The following QTMAN variants were observed in gnomAD, a reference collection of about 807,000 sequenced individuals.
QTMAN encodes queuosine-tRNA mannosyltransferase.
the QTMAN span, among the ~76,000 whole-genome samples, chr2:144,220,252 T>C: frequency 1.2e-3 from 187 of 152,346 alleles, 1 homozygote; most frequent in African/African-American, 4.4e-3. Flanking sequence ...AGTCTGTTAA[T>C]AATAGATTGG....
the QTMAN span, chr2:144,294,642 T>C: frequency 6.6e-6 from 1 of 152,118 alleles, no homozygotes; most frequent in Non-Finnish European, 1.5e-5. Flanking sequence ...TTGAAATTTG[T>C]TTAACATTGG....
chr2:144,039,924 T>C, the QTMAN span, among the ~76,000 whole-genome samples: 1 of 152,240 alleles, frequency 6.6e-6, no homozygotes, highest in Non-Finnish European at 1.5e-5. Flanking sequence ...TCATTGAAGC[T>C]ATTTGTATAC....
chr2:143,990,074 T>C, the QTMAN span, among the ~76,000 whole-genome samples: 1 of 152,098 alleles, frequency 6.6e-6, no homozygotes, highest in African/African-American at 2.4e-5. Context: ...GTATTTACTA[T>C]GTGCAGCCAG....
At chr2:144,157,719 A>G in the QTMAN span, among the ~76,000 whole-genome samples, 3 of 151,962 alleles carry the variant, frequency 2.0e-5, no homozygotes, top group Non-Finnish European at 4.4e-5. Flanking sequence ...TGAGACCACA[A>G]ATATCCACAT....
chr2:144,093,730 A>T, the QTMAN span, among the ~76,000 whole-genome samples: 1 of 152,236 alleles, frequency 6.6e-6, no homozygotes, highest in Non-Finnish European at 1.5e-5. Flanking sequence ...GGGAGTTGTT[A>T]TCATGGATGA....
At chr2:143,983,468 GT>G in the QTMAN span, among the ~76,000 whole-genome samples, 264 of 116,004 alleles carry the variant, frequency 2.3e-3, no homozygotes, top group East Asian at 9.3e-3. Flanking sequence ...CATTTTTGAG[GT>G]TTTTTTTTTT....
At chr2:144,249,801 C>A in the QTMAN span, among the ~76,000 whole-genome samples, 6 of 152,114 alleles carry the variant, frequency 3.9e-5, no homozygotes, top group Non-Finnish European at 5.9e-5. Flanking sequence ...ATAATACCAA[C>A]TGAACTTTAT....
the QTMAN span, among the ~76,000 whole-genome samples, chr2:144,282,727 G>A: frequency 1.3e-5 from 2 of 151,996 alleles, no homozygotes; most frequent in African/African-American, 4.8e-5. Context: ...TGGGTGATAG[G>A]AGCATCTTTT....
chr2:143,939,290 A>T, the QTMAN span: 1 of 152,210 alleles, frequency 6.6e-6, no homozygotes, highest in African/African-American at 2.4e-5. Flanking sequence ...ACCACCCACC[A>T]AAGAATAGCA....
At chr2:144,220,728 C>G in the QTMAN span, among the ~76,000 whole-genome samples, 1 of 152,202 alleles carries the variant, frequency 6.6e-6, no homozygotes, top group Admixed American at 6.5e-5. Flanking sequence ...AGTCTGTCTA[C>G]TGGATTAATC....
chr2:144,095,123 C>T, the QTMAN span, among the ~76,000 whole-genome samples: 1 of 152,180 alleles, frequency 6.6e-6, no homozygotes. Context: ...CTCCCCTATC[C>T]TTCCCTATCT....
At chr2:144,315,046 C>T in the QTMAN span, among the ~76,000 whole-genome samples, 11 of 151,968 alleles carry the variant, frequency 7.2e-5, no homozygotes, top group Non-Finnish European at 1.0e-4. Flanking sequence ...CCACCATCCC[C>T]GGCTAATTTT....
chr2:144,102,765 ACT>A, the QTMAN span, among the ~76,000 whole-genome samples: 3 of 152,292 alleles, frequency 2.0e-5, no homozygotes, highest in African/African-American at 7.2e-5. Context: ...TTCATCTTGT[ACT>A]CTCTAGCACC....
chr2:143,969,831 G>A, the QTMAN span, among the ~76,000 whole-genome samples: 1 of 152,316 alleles, frequency 6.6e-6, no homozygotes, highest in East Asian at 1.9e-4. Context: ...CTGAGATGCA[G>A]GCTGGGTGTA....
chr2:144,326,904 C>T, the QTMAN span, among the ~76,000 whole-genome samples: 7 of 152,096 alleles, frequency 4.6e-5, no homozygotes, highest in African/African-American at 1.7e-4. Context: ...ATATATACCA[C>T]ACAGAGAGAG....
chr2:144,117,453 AG>A, the QTMAN span, among the ~76,000 whole-genome samples: 2 of 152,174 alleles, frequency 1.3e-5, no homozygotes, highest in Non-Finnish European at 2.9e-5. Context: ...TAACTCCTCT[AG>A]GAAAAAATTA....
At chr2:144,072,163 T>C in the QTMAN span, among the ~76,000 whole-genome samples, 1 of 152,202 alleles carries the variant, frequency 6.6e-6, no homozygotes, top group Non-Finnish European at 1.5e-5. Flanking sequence ...TGATCAAGAA[T>C]GAGACTTAGT....
At chr2:143,946,081 A>G in the QTMAN span, 1 of 152,236 alleles carries the variant, frequency 6.6e-6, no homozygotes, top group African/African-American at 2.4e-5. Flanking sequence ...ACATCTTTAC[A>G]TCAACAAACA....
the QTMAN span, among the ~76,000 whole-genome samples, chr2:144,203,310 C>T: frequency 6.6e-6 from 1 of 152,108 alleles, no homozygotes; most frequent in Non-Finnish European, 1.5e-5. Context: ...GCAGGATTAT[C>T]CTATTTCAGT....
Sources: gnomAD v4.1 joint callset for allele counts (sites outside exome capture counted in the v4.1 genomes callset) on GRCh38, gnomAD v4.1.1 for gene constraint, MANE v1.5 for transcripts, NCBI Gene and HGNC (gene_info 2026-07-23, HGNC 2026-07-21) for gene names.